Variants in COMMD1 observed in about 807,000 individuals in gnomAD.
COMMD1 encodes copper metabolism domain containing 1.
Under a neutral mutation model 17.2 loss-of-function variants are expected in COMMD1, and 10 were observed. The ratio of observed to expected loss-of-function variants is 0.58; its 90% CI spans 0.36 to 0.99. The LOEUF (loss-of-function observed/expected upper bound fraction) is 0.99, where lower values mean the gene tolerates loss of function less well. Among genes scored for constraint, COMMD1 ranks in the 50% least tolerant of loss-of-function variants. COMMD1 has a pLI of 0.01. For synonymous variants in COMMD1, 97 were observed against 91.6 expected (o/e 1.06, Z -0.34); for missense variants, 270 against 231.8 (o/e 1.17, Z -1.07).
Position 61,905,677 on chromosome 2 carries a change from G to A in COMMD1, c.-2G>A. On this transcript the variant is annotated 5_prime_UTR_variant, in exon 1 of 3. Coordinates refer to ENST00000311832, the MANE Select transcript of COMMD1 (RefSeq NM_152516.4). Reference sequence around the variant, plus strand: ...TGTTGCGGGGCGGGGCCTTCGCAGAGCATGGCGGCGGGCGAGCTTGAGGGT... The same window carrying A: ...TGTTGCGGGGCGGGGCCTTCGCAGAACATGGCGGCGGGCGAGCTTGAGGGT... The A allele has an allele frequency of 6.4e-7, 1 of 1,555,176 alleles. No individual in the cohort carries two copies. Among genetic ancestry groups the A allele is most frequent in the East Asian group, 2.4e-5 (1 of 42,486 alleles).
At chr2:62,009,620 A>G (rs10192417) in intron 2 of COMMD1, among the ~76,000 whole-genome samples, 11,922 of 147,066 alleles carry the variant, frequency 0.081, 1,160 homozygotes, top group African/African-American at 0.23. Flanking sequence ...AAAAAAAAAG[A>G]AAGAATAAGA....
intron 2 of COMMD1, among the ~76,000 whole-genome samples, chr2:62,123,587 T>G (rs1290183703): frequency 6.7e-6 from 1 of 150,218 alleles, no homozygotes; most frequent in East Asian, 1.9e-4. Flanking sequence ...AAGGAAGGCA[T>G]GGAGGGTATG....
chr2:62,097,030 A>G (rs773580498), intron 2 of COMMD1, among the ~76,000 whole-genome samples: 1 of 152,204 alleles, frequency 6.6e-6, no homozygotes, highest in Non-Finnish European at 1.5e-5. Flanking sequence ...GATACTGGCT[A>G]TTTTGCTCCA....
Position 62,000,878 on chromosome 2 carries a change from C to G in COMMD1, c.358C>G (p.Arg120Gly). ...CCAGAGCCGCTGGAATAGCGGGCTT[C>G]GGGGCCTGAGCTGGAGAGTTGATGG... Reference protein sequence around the residue: ...MNQSRWNSGLRGLSWRVDGKS... With the variant: ...MNQSRWNSGLGGLSWRVDGKS... Residue 120 changes from arginine (R) to glycine (G), a missense_variant, in exon 2 of 3, where the codon CGG (arginine) becomes GGG (glycine). Physicochemically the swap from Arg to Gly is moderately radical, Grantham distance 125 (BLOSUM62 -2). Coordinates refer to ENST00000311832, the MANE Select transcript of COMMD1 (RefSeq NM_152516.4). 1 of 1,614,088 alleles carries G rather than the reference C, an allele frequency of 6.2e-7. No homozygotes were observed. Among genetic ancestry groups the G allele is most frequent in the South Asian group, 1.1e-5 (1 of 91,086 alleles).
intron 2 of COMMD1, among the ~76,000 whole-genome samples, chr2:62,113,093 C>T (rs954107909): frequency 1.3e-5 from 2 of 152,030 alleles, no homozygotes; most frequent in African/African-American, 4.8e-5. Context: ...TGCCTGTAGT[C>T]CCCCTACTTT....
intron 2 of COMMD1, among the ~76,000 whole-genome samples, chr2:62,021,011 A>G (rs569635741): frequency 6.6e-6 from 1 of 152,228 alleles, no homozygotes; most frequent in Non-Finnish European, 1.5e-5. Context: ...CTCAAAAAAA[A>G]AAAAAAACTC....
intron 1 of COMMD1, among the ~76,000 whole-genome samples, chr2:61,934,195 C>T (rs1364456976): frequency 6.6e-6 from 1 of 152,028 alleles, no homozygotes; most frequent in Admixed American, 6.6e-5. Flanking sequence ...AGAGGTAGTA[C>T]AGAATGAAAA....
At chr2:61,976,105 A>G (rs963778909) in intron 1 of COMMD1, among the ~76,000 whole-genome samples, 3 of 151,904 alleles carry the variant, frequency 2.0e-5, no homozygotes, top group Non-Finnish European at 4.4e-5. Context: ...TTGCAGTTCT[A>G]TCGGTTTTTG....
At chr2:62,031,347 T>A (rs1053435035) in intron 2 of COMMD1, among the ~76,000 whole-genome samples, 3 of 152,368 alleles carry the variant, frequency 2.0e-5, no homozygotes, top group African/African-American at 7.2e-5. Context: ...GGAATTCAAA[T>A]GCATTCAGTA....
chr2:62,001,209 G>A, intron 2 of COMMD1: 1 of 521,834 alleles, frequency 1.9e-6, no homozygotes, highest in South Asian at 2.1e-5. Context: ...GAACAGAATG[G>A]GCCAATAATG....
chr2:62,094,706 A>C (rs542987840), intron 2 of COMMD1, among the ~76,000 whole-genome samples: 23 of 152,280 alleles, frequency 1.5e-4, no homozygotes, highest in African/African-American at 5.5e-4. Context: ...CTGAGTATCA[A>C]ACTTGAGAGA....
intron 2 of COMMD1, chr2:62,090,642 A>G (rs1156685937): frequency 6.6e-6 from 1 of 152,240 alleles, no homozygotes; most frequent in African/African-American, 2.4e-5. Context: ...GAGAAGTCAT[A>G]TAATTCTACA....
At chr2:61,966,118 G>A (rs895468986) in intron 1 of COMMD1, among the ~76,000 whole-genome samples, 7 of 152,198 alleles carry the variant, frequency 4.6e-5, no homozygotes, top group African/African-American at 1.7e-4. Context: ...TCTGTTACAT[G>A]CTATGGATGT....
chr2:62,125,536 T>A (rs931475161), intron 2 of COMMD1, among the ~76,000 whole-genome samples: 6 of 152,132 alleles, frequency 3.9e-5, no homozygotes, highest in African/African-American at 1.4e-4. Flanking sequence ...GTGTTTGAAA[T>A]GAGGCTATGT....
At chr2:61,888,575 T>A (rs946589642), upstream of COMMD1, 8 of 1,563,554 alleles carry the variant, frequency 5.1e-6, no homozygotes, top group Admixed American at 1.1e-4. Flanking sequence ...CCGGCCGCAG[T>A]GTAATAACGG....
intron 2 of COMMD1, among the ~76,000 whole-genome samples, chr2:62,059,758 T>C (rs999638081): frequency 6.6e-6 from 1 of 152,218 alleles, no homozygotes; most frequent in African/African-American, 2.4e-5. Flanking sequence ...AATGTCTTTT[T>C]CCAACTAGTT....
chr2:61,981,759 A>G (rs962470774), intron 1 of COMMD1, among the ~76,000 whole-genome samples: 1 of 152,112 alleles, frequency 6.6e-6, no homozygotes, highest in Non-Finnish European at 1.5e-5. Context: ...TGTATTCACT[A>G]TTACGAGAAC....
At chr2:62,103,194 G>A (rs967955615) in intron 2 of COMMD1, among the ~76,000 whole-genome samples, 6 of 152,216 alleles carry the variant, frequency 3.9e-5, no homozygotes, top group East Asian at 3.9e-4. Context: ...TAGCCAGAAC[G>A]ATCTCGATCT....
intron 2 of COMMD1, among the ~76,000 whole-genome samples, chr2:62,077,551 C>CT (rs1271712015): frequency 1.3e-5 from 2 of 152,154 alleles, no homozygotes; most frequent in Non-Finnish European, 2.9e-5. Flanking sequence ...TCATACTTTA[C>CT]TTCACATTGT....
Sources: gnomAD v4.1 joint callset for allele counts (sites outside exome capture counted in the v4.1 genomes callset) on GRCh38, gnomAD v4.1.1 for gene constraint, MANE v1.5 for transcripts, NCBI Gene and HGNC (gene_info 2026-07-23, HGNC 2026-07-21) for gene names.